RBFOX2: variants seen among roughly 807,000 people sequenced by gnomAD.
The protein encoded by RBFOX2 is RNA binding fox-1 homolog 2, also known as RNA binding protein fox-1 homolog 2.
Under a neutral mutation model 49.1 loss-of-function variants are expected in RBFOX2, and 10 were observed. That is an observed-to-expected ratio of 0.20 (90% CI 0.13 to 0.35). The LOEUF is 0.35. Ranked by LOEUF, RBFOX2 falls within the 10% of genes least tolerant of loss-of-function variation. The pLI is 1.00. For synonymous variants in RBFOX2, 183 were observed against 187.4 expected (o/e 0.98, Z 0.19); for missense variants, 323 against 486.9 (o/e 0.66, Z 3.17).
chr22:35,807,652 C>T (rs1296673916), intron 2 of RBFOX2, among the ~76,000 whole-genome samples: 1 of 151,782 alleles, frequency 6.6e-6, no homozygotes, highest in Non-Finnish European at 1.5e-5. Flanking sequence ...AATCTAAAAT[C>T]AATCACCTAA....
At chr22:35,760,211 C>A (rs1447144897) in intron 8 of RBFOX2, among the ~76,000 whole-genome samples, 191 bp from the exon 10 acceptor site, 1 of 152,160 alleles carries the variant, frequency 6.6e-6, no homozygotes, top group East Asian at 1.9e-4. Flanking sequence ...GAAAGAGAGA[C>A]CCAACATGCA....
chr22:35,778,625 G>A (rs1348072951), intron 3 of RBFOX2, among the ~76,000 whole-genome samples: 4 of 151,566 alleles, frequency 2.6e-5, no homozygotes, highest in Admixed American at 2.0e-4. Flanking sequence ...GACATCAGAT[G>A]CATTCTATAA....
chr22:35,838,425 G>A (rs532745828), intron 1 of RBFOX2, among the ~76,000 whole-genome samples: 5 of 152,194 alleles, frequency 3.3e-5, no homozygotes, highest in African/African-American at 1.2e-4. Flanking sequence ...GTGGGTCTCA[G>A]AGGTGATCGG....
chr22:35,844,950 A>T (rs568156544), upstream of RBFOX2, among the ~76,000 whole-genome samples: 47 of 151,986 alleles, frequency 3.1e-4, no homozygotes, highest in Non-Finnish European at 5.2e-4. Context: ...TTTAAAAAAA[A>T]TTTTTTTTAG....
At chr22:36,012,605 A>G (rs2058864295) in intron 1 of RBFOX2, among the ~76,000 whole-genome samples, 1 of 152,138 alleles carries the variant, frequency 6.6e-6, no homozygotes, top group Non-Finnish European at 1.5e-5. Context: ...AAAAATAATA[A>G]TAACATAAAT....
At chr22:35,792,466 A>G (rs1043865633) in intron 2 of RBFOX2, among the ~76,000 whole-genome samples, 1 of 152,188 alleles carries the variant, frequency 6.6e-6, no homozygotes, top group African/African-American at 2.4e-5. Flanking sequence ...TTAACTTTTT[A>G]TATCAGATTT....
chr22:35,860,502 G>A (rs1039628257), intron 1 of RBFOX2, among the ~76,000 whole-genome samples: 5 of 152,210 alleles, frequency 3.3e-5, no homozygotes, highest in African/African-American at 1.2e-4. Context: ...TAAGTTGTGG[G>A]AAAGTTTGTT....
At chr22:35,979,449 G>C (rs1162122053) in intron 1 of RBFOX2, among the ~76,000 whole-genome samples, 1 of 152,146 alleles carries the variant, frequency 6.6e-6, no homozygotes, top group African/African-American at 2.4e-5. Context: ...CTATTTCGGG[G>C]AATACACATT....
upstream of RBFOX2, among the ~76,000 whole-genome samples, chr22:35,940,240 C>A (rs550923877): frequency 6.6e-6 from 1 of 152,186 alleles, no homozygotes; most frequent in East Asian, 1.9e-4. Flanking sequence ...CATGTAGACA[C>A]CCAAAAGAAT....
intron 1 of RBFOX2, among the ~76,000 whole-genome samples, chr22:35,878,834 C>A (rs538114569): frequency 1.3e-5 from 2 of 152,294 alleles, no homozygotes; most frequent in East Asian, 3.9e-4. Flanking sequence ...AGGTTCACAT[C>A]ATTCTCCTGC....
chr22:35,741,450 T>C (rs1283377929), exon 12 of RBFOX2: 1 of 152,312 alleles, frequency 6.6e-6, no homozygotes, highest in Non-Finnish European at 1.5e-5. Flanking sequence ...GCAGTGCTGC[T>C]TCGAGCAACC....
Position 35,877,772 on chromosome 22 carries a change from T to C in RBFOX2, c.-34+61075A>G, listed in dbSNP as rs892403658. ...CTACTGCCTCAATAGTACAAAGCAC[T>C]GGTCCCTGCGATGTGAGAGAGAATA... is the stretch of plus-strand genomic sequence containing the variant. On this transcript the variant is annotated intron_variant, in intron 1 of 13. Transcript: ENST00000359369. Among the ~76,000 whole-genome samples the C allele has an allele frequency of 3.3e-5, 5 of 152,106 alleles. 1 individual carries two copies. In the South Asian group the frequency reaches 1.0e-3, roughly 32 times the overall value.
chr22:35,939,509 T>C (rs934530811), upstream of RBFOX2, among the ~76,000 whole-genome samples: 1 of 152,208 alleles, frequency 6.6e-6, no homozygotes, highest in East Asian at 1.9e-4. Context: ...CTTCCTCTAC[T>C]ACTCTATATC....
intron 1 of RBFOX2, among the ~76,000 whole-genome samples, chr22:35,850,193 T>TACACACACACACACACACACAC (rs58692076): frequency 1.1e-4 from 14 of 132,600 alleles, no homozygotes; most frequent in East Asian, 2.3e-4. Context: ...CTCTCTCTCA[T>TACACACACACACACACACACAC]ACACACACAC....
intron 1 of RBFOX2, among the ~76,000 whole-genome samples, chr22:35,845,866 T>C (rs2041116837): frequency 6.6e-6 from 1 of 152,170 alleles, no homozygotes; most frequent in South Asian, 2.1e-4. Context: ...ACAGGAAACT[T>C]TGTTGTCTTG....
At chr22:35,914,162 T>C (rs1315156862) in intron 1 of RBFOX2, among the ~76,000 whole-genome samples, 1 of 152,166 alleles carries the variant, frequency 6.6e-6, no homozygotes, top group Non-Finnish European at 1.5e-5. Flanking sequence ...CAGATGGGCC[T>C]TCCTTAAGTG....
intron 1 of RBFOX2, among the ~76,000 whole-genome samples, chr22:35,913,558 G>GTATA (rs200808738): frequency 1.3e-5 from 2 of 149,470 alleles, no homozygotes; most frequent in African/African-American, 4.9e-5. Flanking sequence ...ATGTGTGTGT[G>GTATA]TGTATATATA....
chr22:35,904,864 T>C (rs2048956203), intron 1 of RBFOX2, among the ~76,000 whole-genome samples: 1 of 152,196 alleles, frequency 6.6e-6, no homozygotes, highest in Non-Finnish European at 1.5e-5. Flanking sequence ...AATTAAAATT[T>C]CAGTTACTTA....
At chr22:35,973,152 G>A (rs2053518021) in intron 1 of RBFOX2, among the ~76,000 whole-genome samples, 1 of 152,142 alleles carries the variant, frequency 6.6e-6, no homozygotes, top group East Asian at 1.9e-4. Context: ...ACTTGATAAT[G>A]ATGAGGTAAT....
Sources: allele counts gnomAD v4.1 joint callset (sites outside exome capture counted in the v4.1 genomes callset), GRCh38; gene constraint gnomAD v4.1.1; transcripts MANE v1.5; gene names NCBI Gene and HGNC (gene_info 2026-07-23, HGNC 2026-07-21).